THSD7B: variants seen among roughly 807,000 people sequenced by gnomAD.
THSD7B encodes the protein thrombospondin type-1 domain-containing protein 7B.
A neutral mutation model predicts 213.6 loss-of-function variants in THSD7B; 138 were observed. That is an observed-to-expected ratio of 0.65 (90% confidence interval 0.56 to 0.74). The LOEUF (loss-of-function observed/expected upper bound fraction) is 0.74, where lower values mean the gene tolerates loss of function less well. Ranked by LOEUF, THSD7B falls within the 30% of genes least tolerant of loss-of-function variation. The pLI, the probability that THSD7B is intolerant of heterozygous loss-of-function variation, is 0.00. For synonymous variants in THSD7B, 742 were observed against 687.0 expected (o/e 1.08, Z -1.25); for missense variants, 1,931 against 1,991.5 (o/e 0.97, Z 0.58).
intron 12 of THSD7B, among the ~76,000 whole-genome samples, chr2:137,329,027 T>C (rs893892078): frequency 3.9e-5 from 6 of 152,184 alleles, no homozygotes; most frequent in Middle Eastern, 3.4e-3. Context: ...AAGACTAGGG[T>C]GCTGCCATAA....
intron 10 of THSD7B, among the ~76,000 whole-genome samples, chr2:137,261,436 C>A (rs1474950123): frequency 6.6e-6 from 1 of 152,116 alleles, no homozygotes; most frequent in Non-Finnish European, 1.5e-5. Flanking sequence ...TATTTCATTA[C>A]CTGATTATTC....
intron 26 of THSD7B, among the ~76,000 whole-genome samples, chr2:137,666,791 C>T (rs1683456792): frequency 6.6e-6 from 1 of 151,668 alleles, no homozygotes; most frequent in South Asian, 2.1e-4. Flanking sequence ...GTAGAAAAAG[C>T]ATATATATAT....
chr2:136,830,001 A>C (rs978696321), intron 1 of THSD7B, among the ~76,000 whole-genome samples: 29 of 151,968 alleles, frequency 1.9e-4, no homozygotes, highest in Non-Finnish European at 3.8e-4. Context: ...TGTAACTGCG[A>C]ATGGTAGTGT....
intron 12 of THSD7B, among the ~76,000 whole-genome samples, chr2:137,370,118 G>A (rs1685510735): frequency 6.6e-6 from 1 of 152,022 alleles, no homozygotes; most frequent in Admixed American, 6.6e-5. Context: ...GACAGGCTTT[G>A]CCTATAAAGA....
At position 137,272,462 on chromosome 2, in the gene THSD7B, A is replaced by G. The variant is rs76730255; in HGVS notation, c.2267-71A>G. 42,662 of 1,454,132 alleles carry G rather than the reference A, an allele frequency of 0.029. 721 individuals are homozygous for G. The highest frequency in any genetic ancestry group is 0.051 in the East Asian group (2,066 of 40,888). The allele number at this position is 1,454,132 out of a possible 1,614,324, so 90.1% of individuals were successfully genotyped here. A position where few individuals can be genotyped will look rare whatever the true frequency, so the allele number is the denominator to read the frequency against. On this transcript the variant is annotated intron_variant, in intron 10 of 27. Transcript: ENST00000409968. ...CTTTATCTCTCTCTCTTTTTTTTCA[A>G]TTGCTACCTGGATTTTGATCTGCAT...
intron 2 of THSD7B, among the ~76,000 whole-genome samples, chr2:136,896,788 G>C (rs1313026759): frequency 6.6e-6 from 1 of 152,014 alleles, no homozygotes; most frequent in African/African-American, 2.4e-5. Context: ...ATAATTTGTT[G>C]TAAAAACTAT....
chr2:136,996,547 T>G (rs1369117003), intron 2 of THSD7B, among the ~76,000 whole-genome samples: 1 of 152,080 alleles, frequency 6.6e-6, no homozygotes, highest in African/African-American at 2.4e-5. Context: ...GTCTTTCTTA[T>G]GTTGTCCAGG....
At chr2:137,066,921 T>C (rs759250680) in intron 3 of THSD7B, among the ~76,000 whole-genome samples, 1 of 152,168 alleles carries the variant, frequency 6.6e-6, no homozygotes, top group Non-Finnish European at 1.5e-5. Context: ...TAGAAGTTGC[T>C]ATTGACATTT....
At chr2:137,424,428 A>G (rs1019759003) in intron 14 of THSD7B, among the ~76,000 whole-genome samples, 1 of 152,200 alleles carries the variant, frequency 6.6e-6, no homozygotes, top group African/African-American at 2.4e-5. Flanking sequence ...ACACTATGAG[A>G]AAAGAAAATT....
chr2:137,307,132 A>T (rs1037637964), intron 12 of THSD7B, among the ~76,000 whole-genome samples: 1 of 152,170 alleles, frequency 6.6e-6, no homozygotes, highest in Non-Finnish European at 1.5e-5. Context: ...AAATAGGTGT[A>T]ACACCTGAAA....
intron 12 of THSD7B, among the ~76,000 whole-genome samples, chr2:137,388,478 A>G (rs899314769): frequency 1.1e-4 from 16 of 152,256 alleles, no homozygotes; most frequent in African/African-American, 3.8e-4. Context: ...GAGTCAGGGT[A>G]TATATCACTT....
chr2:137,168,928 G>A (rs1237535626), intron 6 of THSD7B, among the ~76,000 whole-genome samples: 1 of 152,108 alleles, frequency 6.6e-6, no homozygotes, highest in African/African-American at 2.4e-5. Flanking sequence ...AGGTGGCTTA[G>A]GAAGCAATAT....
chr2:137,059,500 C>A (rs1006888430), intron 3 of THSD7B, among the ~76,000 whole-genome samples: 1 of 152,096 alleles, frequency 6.6e-6, no homozygotes, highest in Non-Finnish European at 1.5e-5. Flanking sequence ...TTTTACTCCC[C>A]TAAGTATCCC....
At chr2:136,780,329 C>G (rs559383088) in intron 1 of THSD7B, among the ~76,000 whole-genome samples, 1 of 152,202 alleles carries the variant, frequency 6.6e-6, no homozygotes, top group East Asian at 1.9e-4. Flanking sequence ...CAGCATCCAT[C>G]CATTCATGAG....
chr2:137,080,227 G>A (rs1185054110), intron 3 of THSD7B, among the ~76,000 whole-genome samples: 2 of 151,672 alleles, frequency 1.3e-5, no homozygotes. Flanking sequence ...TTGAGACAGA[G>A]TCTCACTTCA....
At chr2:136,843,060 T>A (rs2104956962) in intron 1 of THSD7B, among the ~76,000 whole-genome samples, 1 of 151,702 alleles carries the variant, frequency 6.6e-6, no homozygotes, top group Admixed American at 6.6e-5. Context: ...ATAACCAAAA[T>A]AACTGTTCAC....
chr2:137,538,405 A>G (rs2105188938), intron 15 of THSD7B: 1 of 464,826 alleles, frequency 2.2e-6, no homozygotes, highest in Non-Finnish European at 4.2e-6. Flanking sequence ...TCAATTTTGC[A>G]TTATAATAGC....
At chr2:137,118,891 G>A (rs149016747) in intron 5 of THSD7B, among the ~76,000 whole-genome samples, 509 of 152,234 alleles carry the variant, frequency 3.3e-3, no homozygotes, top group South Asian at 0.014. Context: ...TGTTTTACGT[G>A]GCAGCAGACA....
At chr2:137,586,641 T>C (rs992747144) in intron 17 of THSD7B, among the ~76,000 whole-genome samples, 1 of 152,218 alleles carries the variant, frequency 6.6e-6, no homozygotes, top group African/African-American at 2.4e-5. Flanking sequence ...AATTCTTTTC[T>C]TTAAGAATGT....
Sources: gnomAD v4.1 joint callset for allele counts (sites outside exome capture counted in the v4.1 genomes callset) on GRCh38, gnomAD v4.1.1 for gene constraint, MANE v1.5 for transcripts, NCBI Gene and HGNC (gene_info 2026-07-23, HGNC 2026-07-21) for gene names.